AK9: variants seen among roughly 807,000 people sequenced by gnomAD.
AK9 encodes adenylate kinase domain containing 1.
AK9 carries 191 observed loss-of-function variants against 239.6 expected under a neutral mutation model. That is an observed-to-expected ratio of 0.80 (90% confidence interval 0.71 to 0.90). The LOEUF (loss-of-function observed/expected upper bound fraction) is 0.90. Ranked by LOEUF, AK9 falls within the 40% of genes least tolerant of loss-of-function variation. The pLI, the probability that AK9 is intolerant of heterozygous loss-of-function variation, is 0.00. For missense variants in AK9, 1,995 were observed against 2,214.7 expected (o/e 0.90, Z 1.99); for synonymous variants, 689 against 721.0 (o/e 0.96, Z 0.71).
intron 5 of AK9, among the ~76,000 whole-genome samples, chr6:109,664,144 A>G (rs1800836119): frequency 6.6e-6 from 1 of 152,190 alleles, no homozygotes; most frequent in African/African-American, 2.4e-5. Flanking sequence ...TTCTAAACAG[A>G]TATTTTTTAA....
At chr6:109,570,268 T>G (rs1189096886) in intron 21 of AK9, among the ~76,000 whole-genome samples, 2 of 149,454 alleles carry the variant, frequency 1.3e-5, no homozygotes, top group African/African-American at 2.5e-5. Flanking sequence ...CATCACACAC[T>G]GGAGCCTGTC....
intron 21 of AK9, among the ~76,000 whole-genome samples, chr6:109,568,903 T>C (rs1053507934): frequency 6.6e-6 from 1 of 152,282 alleles, no homozygotes; most frequent in Admixed American, 6.5e-5. Flanking sequence ...TACCAATGAC[T>C]TTCTTCATAG....
chr6:109,687,730 C>G (rs1773716000), intron 1 of AK9, among the ~76,000 whole-genome samples: 1 of 152,214 alleles, frequency 6.6e-6, no homozygotes, highest in Admixed American at 6.5e-5. Flanking sequence ...TTGTAAAACC[C>G]TGAGCAGAGG....
chr6:109,578,124 AG>A (rs1788362143), intron 20 of AK9, among the ~76,000 whole-genome samples: 1 of 151,654 alleles, frequency 6.6e-6, no homozygotes, highest in South Asian at 2.1e-4. Flanking sequence ...TAGTAGAAAC[AG>A]GGTTTTACCA....
chr6:109,621,138 A>C (rs1311676714), intron 12 of AK9, among the ~76,000 whole-genome samples: 1 of 140,732 alleles, frequency 7.1e-6, no homozygotes, highest in East Asian at 2.1e-4. Flanking sequence ...AACACATGAA[A>C]AAATGCTCAT....
chr6:109,546,226 TC>T (rs1783554524), intron 25 of AK9, 99 bp from the exon 26 acceptor site: 2 of 1,103,268 alleles, frequency 1.8e-6, no homozygotes, highest in South Asian at 3.2e-5. Context: ...TTAACTGCCC[TC>T]CCTAAGATGG....
intron 35 of AK9, among the ~76,000 whole-genome samples, chr6:109,503,029 GCAA>G (rs960845977): frequency 6.6e-6 from 1 of 151,460 alleles, no homozygotes; most frequent in African/African-American, 2.4e-5. Context: ...AATTTGTTAT[GCAA>G]CAATAGATAA....
In AK9 at chr6:109,529,046, C is replaced by T; in HGVS notation, c.3598G>A (p.Glu1200Lys). Residue 1200 changes from glutamate to lysine, a missense_variant, in exon 29 of 41, where the codon GAA (glutamate) becomes AAA (lysine). Transcript: ENST00000424296. The part of the protein sequence containing the change: ...RVDTIAKRRA[E>K]LILERDKKRR... Reference sequence around the variant, plus strand: ...TTTTTATCTCTCTCTAATATAAGTTCAGCCCTTCTTTTAGCAATCGTATCA... The same window carrying T: ...TTTTTATCTCTCTCTAATATAAGTTTAGCCCTTCTTTTAGCAATCGTATCA... 6.3e-7 allele frequency: 1 copy of T among 1,584,220 alleles called. No homozygotes were observed.
chr6:109,633,373 A>T, intron 10 of AK9, 50 bp from the exon 11 acceptor site: 1 of 1,508,942 alleles, frequency 6.6e-7, no homozygotes, highest in Non-Finnish European at 8.9e-7. Flanking sequence ...ATTTTGCTGA[A>T]ATTAGGAGCA....
At chr6:109,525,313 G>A (rs1780349322) in intron 29 of AK9, among the ~76,000 whole-genome samples, 1 of 152,040 alleles carries the variant, frequency 6.6e-6, no homozygotes, top group South Asian at 2.1e-4. Context: ...ATTGACAAGT[G>A]GGACCTAATT....
chr6:109,679,231 G>A (rs1298023386), intron 1 of AK9, among the ~76,000 whole-genome samples: 2 of 152,170 alleles, frequency 1.3e-5, no homozygotes, highest in African/African-American at 2.4e-5. Context: ...TGCCAGCACC[G>A]CAGTCTGAAG....
At chr6:109,595,744 C>T (rs1426448490) in intron 17 of AK9, among the ~76,000 whole-genome samples, 1 of 152,010 alleles carries the variant, frequency 6.6e-6, no homozygotes, top group Non-Finnish European at 1.5e-5. Flanking sequence ...AGCAAACTAA[C>T]ACAGGAACAG....
intron 8 of AK9, among the ~76,000 whole-genome samples, chr6:109,644,956 G>T (rs1024630545): frequency 1.3e-5 from 2 of 152,054 alleles, no homozygotes; most frequent in African/African-American, 4.8e-5. Context: ...ATGTTTTGGG[G>T]CATCTATCTG....
intron 8 of AK9, among the ~76,000 whole-genome samples, chr6:109,649,924 A>T (rs975064363): frequency 6.6e-6 from 1 of 152,074 alleles, no homozygotes; most frequent in Non-Finnish European, 1.5e-5. Context: ...CCTCAGAAAT[A>T]ATGCCGCAGA....
intron 17 of AK9, among the ~76,000 whole-genome samples, chr6:109,591,063 A>G (rs1389576219): frequency 6.6e-6 from 1 of 151,962 alleles, no homozygotes; most frequent in Non-Finnish European, 1.5e-5. Flanking sequence ...TTAAGCCTAG[A>G]GTTTCTTTGT....
At position 109,580,914 on chromosome 6, in the gene AK9, GTGTT is replaced by G. The variant is rs746332396; in HGVS notation, c.2115-1292_2115-1289del. Among the ~76,000 whole-genome samples the G allele has an allele frequency of 3.3e-5, 5 of 151,164 alleles. No homozygotes were observed. The South Asian group carries it at 1.0e-3, about 31-fold the overall frequency. ...TTTACAGATATCGTGGTTTTTTTTT[GTGTT>G]TTTTTGTTTTGTTTTACAAGTTGAG... On this transcript the variant is annotated intron_variant, in intron 19 of 40. Coordinates refer to ENST00000424296, the MANE Select transcript of AK9 (RefSeq NM_001145128.3).
At chr6:109,497,625 A>G in intron 37 of AK9, 62 bp from the exon 38 acceptor site, 1 of 1,372,896 alleles carries the variant, frequency 7.3e-7, no homozygotes, top group South Asian at 1.3e-5. Flanking sequence ...TCCTGTGTAA[A>G]TAAAAAGTCA....
chr6:109,645,121 C>G (rs1013156989), intron 8 of AK9, among the ~76,000 whole-genome samples: 2 of 152,176 alleles, frequency 1.3e-5, no homozygotes, highest in African/African-American at 4.8e-5. Flanking sequence ...CAGTTCCGGT[C>G]TACAGCTCCC....
chr6:109,627,494 G>A (rs1481153734), intron 12 of AK9, among the ~76,000 whole-genome samples: 1 of 152,124 alleles, frequency 6.6e-6, no homozygotes, highest in African/African-American at 2.4e-5. Context: ...AGCACAGTAG[G>A]TTTGTTTATA....
Sources: gnomAD v4.1 joint callset for allele counts (sites outside exome capture counted in the v4.1 genomes callset) on GRCh38, gnomAD v4.1.1 for gene constraint, MANE v1.5 for transcripts, NCBI Gene and HGNC (gene_info 2026-07-23, HGNC 2026-07-21) for gene names.